Variants in CDH18 observed in about 807,000 individuals in gnomAD.
CDH18 encodes the protein cadherin-18.
A neutral mutation model predicts 67.9 loss-of-function variants in CDH18; 31 were observed. The observed-to-expected ratio is 0.46, with a 90% CI of 0.34 to 0.62. The LOEUF is 0.62. Ranked by LOEUF, CDH18 falls within the 20% of genes least tolerant of loss-of-function variation. The probability of loss-of-function intolerance (pLI) is 0.01; values close to 1 mark genes in which losing one functional copy is unlikely to be tolerated. For synonymous variants in CDH18, 362 were observed against 347.2 expected, an observed-to-expected ratio of 1.04 and a Z score of -0.48; for missense variants, 890 against 975.5, an observed-to-expected ratio of 0.91 and a Z score of 1.17.
At chr5:20,466,200 TGGGTACTTTGAGTTTCCTCG>T (rs1481552397) in intron 1 of CDH18, among the ~76,000 whole-genome samples, 1 of 152,090 alleles carries the variant, frequency 6.6e-6, no homozygotes, top group African/African-American at 2.4e-5. Flanking sequence ...TCTTCTAAAT[TGGGTACTTTGAGTTTCCTCG>T]CCATTTTCAT....
chr5:19,483,075 C>G (rs1403220353), intron 12 of CDH18, among the ~76,000 whole-genome samples: 2 of 152,110 alleles, frequency 1.3e-5, no homozygotes, highest in Non-Finnish European at 2.9e-5. Flanking sequence ...CTTTCAAAAG[C>G]TATTTCTTTC....
intron 1 of CDH18, among the ~76,000 whole-genome samples, chr5:20,296,411 G>A (rs1365670716): frequency 4.6e-5 from 7 of 150,998 alleles, no homozygotes; most frequent in Admixed American, 6.6e-5. Context: ...ACAGGCGCCC[G>A]CCACCACGCC....
At chr5:19,823,168 A>G (rs1258624184) in intron 3 of CDH18, among the ~76,000 whole-genome samples, 1 of 152,012 alleles carries the variant, frequency 6.6e-6, no homozygotes, top group Non-Finnish European at 1.5e-5. Context: ...CAGATTTCAT[A>G]TTGTTCAAAC....
chr5:20,434,385 A>G lies in CDH18; in HGVS notation c.-580+141077T>C, dbSNP rs534388644. 2.0e-5 allele frequency among the ~76,000 whole-genome samples: 3 copies of G among 152,156 alleles called. No individual in the cohort carries two copies. In the East Asian group the frequency reaches 5.8e-4, roughly 29 times the overall value. On this transcript the variant is annotated intron_variant, in intron 1 of 14. Coordinates refer to the CDH18 transcript ENST00000507958. The stretch of plus-strand genomic sequence containing the variant: ...GTCTGTGAACAGTAAAGTTTTGAAA[A>G]AAGTAGAGGAGATCTGGAAAATACA...
At chr5:19,786,864 G>A (rs1775843468) in intron 3 of CDH18, among the ~76,000 whole-genome samples, 1 of 152,046 alleles carries the variant, frequency 6.6e-6, no homozygotes, top group South Asian at 2.1e-4. Context: ...TGGGGTAGGG[G>A]CTCTGGGGTT....
intron 5 of CDH18, among the ~76,000 whole-genome samples, chr5:19,657,587 T>C (rs1027078214): frequency 6.6e-6 from 1 of 152,134 alleles, no homozygotes; most frequent in Non-Finnish European, 1.5e-5. Context: ...GTCTCTGAAG[T>C]AATTTAAAGT....
intron 1 of CDH18, among the ~76,000 whole-genome samples, chr5:20,439,060 G>A (rs1056239599): frequency 1.3e-5 from 2 of 151,478 alleles, no homozygotes; most frequent in Non-Finnish European, 3.0e-5. Context: ...TGTTTGTCCA[G>A]TGAATGAAGC....
intron 1 of CDH18, among the ~76,000 whole-genome samples, chr5:20,565,756 TAA>T (rs541394969): frequency 1.3e-4 from 18 of 142,438 alleles, no homozygotes; most frequent in African/African-American, 3.4e-4. Flanking sequence ...TACGTTATGA[TAA>T]AAAAAAAAAA....
intron 10 of CDH18, among the ~76,000 whole-genome samples, chr5:19,514,307 C>CA (rs1745597257): frequency 6.6e-6 from 1 of 152,256 alleles, no homozygotes; most frequent in Non-Finnish European, 1.5e-5. Context: ...AATGAACATA[C>CA]ATTTGCATGT....
At chr5:19,997,615 A>G (rs1450395009) in intron 2 of CDH18, among the ~76,000 whole-genome samples, 2 of 152,094 alleles carry the variant, frequency 1.3e-5, no homozygotes, top group South Asian at 4.1e-4. Context: ...GGTAAACTCT[A>G]AAGTCTTTGA....
chr5:19,911,916 C>T (rs1791188804), intron 2 of CDH18, among the ~76,000 whole-genome samples: 1 of 152,012 alleles, frequency 6.6e-6, no homozygotes, highest in African/African-American at 2.4e-5. Context: ...ATGGAACAGC[C>T]TATATTTGGG....
chr5:20,285,388 ATAAT>A (rs1352338246), intron 1 of CDH18, among the ~76,000 whole-genome samples: 23 of 53,072 alleles, frequency 4.3e-4, no homozygotes, highest in Non-Finnish European at 7.2e-4. Flanking sequence ...GCCATATAAT[ATAAT>A]ATAATATAAT....
At chr5:19,854,599 A>G (rs1784063031) in intron 2 of CDH18, among the ~76,000 whole-genome samples, 1 of 152,022 alleles carries the variant, frequency 6.6e-6, no homozygotes, top group Non-Finnish European at 1.5e-5. Flanking sequence ...GGTACCATAA[A>G]AGTTCACCTG....
chr5:20,083,555 C>T (rs888345162), intron 2 of CDH18, among the ~76,000 whole-genome samples: 1 of 152,180 alleles, frequency 6.6e-6, no homozygotes, highest in Non-Finnish European at 1.5e-5. Context: ...GGCATTCCCC[C>T]ATCTGTCCTT....
chr5:20,449,275 G>A (rs550809335), intron 1 of CDH18, among the ~76,000 whole-genome samples: 3 of 152,160 alleles, frequency 2.0e-5, no homozygotes, highest in African/African-American at 7.2e-5. Flanking sequence ...AAAGAAGTTA[G>A]TGATATTAGG....
intron 1 of CDH18, among the ~76,000 whole-genome samples, chr5:20,265,978 G>A (rs1173757920): frequency 2.0e-5 from 3 of 152,182 alleles, no homozygotes; most frequent in Non-Finnish European, 4.4e-5. Flanking sequence ...AAGGGAAGCA[G>A]GGCAAATGCA....
chr5:20,228,590 AT>A (rs1741822235), intron 2 of CDH18, among the ~76,000 whole-genome samples: 1 of 151,950 alleles, frequency 6.6e-6, no homozygotes, highest in Non-Finnish European at 1.5e-5. Flanking sequence ...TGCAACTGAA[AT>A]TTTGTGTTCT....
At chr5:19,824,880 T>C (rs1490884406) in intron 3 of CDH18, among the ~76,000 whole-genome samples, 1 of 149,314 alleles carries the variant, frequency 6.7e-6, no homozygotes, top group Non-Finnish European at 1.5e-5. Flanking sequence ...ATTCAACCAG[T>C]GGGTACAGTG....
chr5:20,509,407 C>CCTT (rs1754875444), intron 1 of CDH18, among the ~76,000 whole-genome samples: 2 of 139,326 alleles, frequency 1.4e-5, no homozygotes, highest in Non-Finnish European at 1.5e-5. Flanking sequence ...CAGGATTTCC[C>CCTT]TTTTTTTTTT....
Sources: gnomAD v4.1 joint callset for allele counts (sites outside exome capture counted in the v4.1 genomes callset) on GRCh38, gnomAD v4.1.1 for gene constraint, MANE v1.5 for transcripts, NCBI Gene and HGNC (gene_info 2026-07-23, HGNC 2026-07-21) for gene names.